Variants in ZNF710 observed in about 807,000 individuals in gnomAD.
ZNF710 encodes zinc finger protein 710.
In ZNF710, 13 loss-of-function variants were observed where a neutral mutation model predicts 50.6. The ratio of observed to expected loss-of-function variants is 0.26; its 90% CI spans 0.17 to 0.41. ZNF710 has a LOEUF of 0.41. ZNF710 is among the 10% of genes least tolerant of loss of function. The pLI is 1.00. For missense variants in ZNF710, 721 were observed against 936.6 expected, an observed-to-expected ratio of 0.77 and a Z score of 3.01; for synonymous variants, 383 against 397.0, an observed-to-expected ratio of 0.96 and a Z score of 0.42.
At chr15:90,028,556 A>G (rs1898843335) in intron 1 of ZNF710, among the ~76,000 whole-genome samples, 2 of 152,220 alleles carry the variant, frequency 1.3e-5, no homozygotes, top group South Asian at 4.1e-4. Flanking sequence ...TATTACAGGA[A>G]GTTGAGGTTC....
intron 4 of ZNF710, chr15:90,074,803 A>C (rs1281010312): frequency 6.1e-6 from 2 of 326,350 alleles, no homozygotes; most frequent in African/African-American, 2.2e-5. Context: ...TGAGGTCCCA[A>C]CTCCAAGTAC....
At position 90,081,967 on chromosome 15, in the gene ZNF710, T is replaced by G. The variant is rs1403746919; in HGVS notation, c.*2138T>G. On this transcript the variant is annotated 3_prime_UTR_variant, in exon 5 of 5. Transcript: ENST00000268154. ...CACAGTTTGAGCTGGGGGGTGGTCTTGGCAAGGCTCCTGTCTGTACCCCTC... is the reference window on the plus strand; with the variant it reads ...CACAGTTTGAGCTGGGGGGTGGTCTGGGCAAGGCTCCTGTCTGTACCCCTC... The G allele has an allele frequency of 2.0e-5, 3 of 152,302 alleles. No individual in the cohort carries two copies. Among genetic ancestry groups the G allele is most frequent in the Non-Finnish European group, 4.4e-5 (3 of 68,136 alleles). The allele number at this position is 152,302 out of a possible 1,614,324, so 9.4% of individuals were successfully genotyped here. A position where few individuals can be genotyped will look rare whatever the true frequency, so the allele number is the denominator to read the frequency against.
intron 1 of ZNF710, among the ~76,000 whole-genome samples, chr15:90,005,871 T>C (rs1013477706): frequency 6.6e-6 from 1 of 152,250 alleles, no homozygotes; most frequent in Non-Finnish European, 1.5e-5. Context: ...AGGTGCTGGC[T>C]CTTGCATTCT....
At chr15:89,998,873 G>A (rs148315495), upstream of ZNF710, among the ~76,000 whole-genome samples, 42 of 152,258 alleles carry the variant, frequency 2.8e-4, no homozygotes, top group African/African-American at 9.1e-4. Flanking sequence ...TATATGTCCC[G>A]AAATTAAGTC....
Position 90,015,657 on chromosome 15 carries a change from G to A in ZNF710, c.-29+14043G>A, listed in dbSNP as rs557784314. Among the ~76,000 whole-genome samples the A allele has an allele frequency of 1.2e-4, 18 of 150,264 alleles. No individual in the cohort carries two copies. In the South Asian group the frequency reaches 3.2e-3, roughly 26 times the overall value. On this transcript the variant is annotated intron_variant, in intron 1 of 4. Coordinates refer to ENST00000268154, the MANE Select transcript of ZNF710 (RefSeq NM_198526.4). ...GTCATCCAGGCTGGAGTGCAATGGC[G>A]CAGTCACAGCCCGCTGCAGCCTCGA...
At chr15:90,017,419 A>T (rs959642165) in intron 1 of ZNF710, among the ~76,000 whole-genome samples, 3 of 152,136 alleles carry the variant, frequency 2.0e-5, no homozygotes, top group Admixed American at 1.3e-4. Flanking sequence ...GAAGAATTTG[A>T]TGTCTTTAAG....
At chr15:90,018,482 G>A (rs916405679) in intron 1 of ZNF710, among the ~76,000 whole-genome samples, 9 of 152,088 alleles carry the variant, frequency 5.9e-5, no homozygotes, top group African/African-American at 2.2e-4. Context: ...TTTTCCTACC[G>A]TGGTTGTAAA....
At chr15:90,042,054 C>T (rs956851222) in intron 1 of ZNF710, among the ~76,000 whole-genome samples, 1 of 151,990 alleles carries the variant, frequency 6.6e-6, no homozygotes, top group Non-Finnish European at 1.5e-5. Flanking sequence ...CCCACTACCA[C>T]GTCTGGCTTA....
chr15:90,012,680 C>T (rs1229917129), intron 1 of ZNF710, among the ~76,000 whole-genome samples: 1 of 152,020 alleles, frequency 6.6e-6, no homozygotes, highest in South Asian at 2.1e-4. Context: ...CACTAATTCT[C>T]TCTTTAGTTA....
intron 1 of ZNF710, among the ~76,000 whole-genome samples, chr15:90,020,172 G>A (rs538205327): frequency 9.8e-5 from 15 of 152,308 alleles, no homozygotes; most frequent in Admixed American, 2.6e-4. Flanking sequence ...ACTGCTGACC[G>A]GCTCTTCCTC....
At chr15:90,036,645 G>C (rs1899136422) in intron 1 of ZNF710, among the ~76,000 whole-genome samples, 1 of 152,228 alleles carries the variant, frequency 6.6e-6, no homozygotes, top group African/African-American at 2.4e-5. Context: ...AAGGTCTGTG[G>C]CTCCCATGCA....
intron 4 of ZNF710, 143 bp from the exon 5 acceptor site, chr15:90,079,517 G>T: frequency 9.9e-7 from 1 of 1,011,914 alleles, no homozygotes; most frequent in Non-Finnish European, 1.4e-6. Flanking sequence ...GTCCGAGGGT[G>T]GGAAGGCTGA....
rs142475365 is a variant in ZNF710, at chr15:90,079,148, A to G, written c.1826-512A>G. Reference sequence around the variant, plus strand: ...TCAGAACAACAGCATGTGCTGGGTGACCTTTGGCAAGTTGATTCACCTCTC... The same window carrying G: ...TCAGAACAACAGCATGTGCTGGGTGGCCTTTGGCAAGTTGATTCACCTCTC... On this transcript the variant is annotated intron_variant, in intron 4 of 4. Transcript: ENST00000268154. 6.3e-3 allele frequency among the ~76,000 whole-genome samples: 960 copies of G among 152,254 alleles called. 8 individuals carry two copies. Among genetic ancestry groups the G allele is most frequent in the African/African-American group, 0.021 (893 of 41,548 alleles).
chr15:90,014,178 G>A (rs57792101), intron 1 of ZNF710, among the ~76,000 whole-genome samples: 2,358 of 152,126 alleles, frequency 0.016, 65 homozygotes, highest in African/African-American at 0.054. Flanking sequence ...ATGAAAGGAT[G>A]CTCTGAGGTC....
At chr15:90,069,228 CAAA>C (rs1231164801) in intron 2 of ZNF710, among the ~76,000 whole-genome samples, 6 of 69,602 alleles carry the variant, frequency 8.6e-5, no homozygotes, top group Non-Finnish European at 6.3e-5. Context: ...AACTCCATCT[CAAA>C]AAAAAAAAAA....
At chr15:90,014,890 A>AG (rs1898409219) in intron 1 of ZNF710, among the ~76,000 whole-genome samples, 1 of 136,746 alleles carries the variant, frequency 7.3e-6, no homozygotes, top group Non-Finnish European at 1.6e-5. Flanking sequence ...CATCAACTGA[A>AG]TTTTTTTTTT....
chr15:90,046,756 G>A (rs888599288), intron 1 of ZNF710, among the ~76,000 whole-genome samples: 1 of 152,192 alleles, frequency 6.6e-6, no homozygotes, highest in Non-Finnish European at 1.5e-5. Flanking sequence ...AAGGGGTTGG[G>A]GAAAAGGCTG....
chr15:90,005,518 A>G lies in ZNF710; in HGVS notation c.-29+3904A>G, dbSNP rs968373270. Among the ~76,000 whole-genome samples the G allele has an allele frequency of 1.5e-4, 23 of 152,096 alleles. 1 individual carries two copies. In the East Asian group the frequency reaches 4.5e-3, roughly 29 times the overall value. ...GGCTGGAGTGCAGTGGCGCGATCTC[A>G]GCTCACTGCAACCTTCGCCTCCTGG... is the stretch of plus-strand genomic sequence containing the variant. On this transcript the variant is annotated intron_variant, in intron 1 of 4. Coordinates refer to ENST00000268154, the MANE Select transcript of ZNF710 (RefSeq NM_198526.4).
intron 1 of ZNF710, among the ~76,000 whole-genome samples, chr15:90,022,136 G>T (rs1415928762): frequency 2.6e-5 from 4 of 151,868 alleles, no homozygotes; most frequent in African/African-American, 7.3e-5. Context: ...CCAGAACTTT[G>T]GGTGGCCGAG....
Sources: allele counts gnomAD v4.1 joint callset (sites outside exome capture counted in the v4.1 genomes callset), GRCh38; gene constraint gnomAD v4.1.1; transcripts MANE v1.5; gene names NCBI Gene and HGNC (gene_info 2026-07-23, HGNC 2026-07-21).